TTBK2: variants seen among roughly 807,000 people sequenced by gnomAD.
TTBK2 encodes tau-tubulin kinase 2.
In TTBK2, 28 loss-of-function variants were observed where a neutral mutation model predicts 110.8. The ratio of observed to expected loss-of-function variants is 0.25; its 90% CI spans 0.19 to 0.35. The LOEUF is 0.35. Ranked by LOEUF, TTBK2 falls within the 10% of genes least tolerant of loss-of-function variation. The probability of loss-of-function intolerance (pLI) is 1.00; values close to 1 mark genes in which losing one functional copy is unlikely to be tolerated. For synonymous variants in TTBK2, 532 were observed against 527.3 expected (o/e 1.01, Z -0.12); for missense variants, 1,369 against 1,500.3 (o/e 0.91, Z 1.45).
At chr15:42,792,708 G>C (rs547988763) in intron 10 of TTBK2, among the ~76,000 whole-genome samples, 1 of 152,266 alleles carries the variant, frequency 6.6e-6, no homozygotes, top group East Asian at 1.9e-4. Flanking sequence ...TCTGGCAGGG[G>C]TAGGTGAGGC....
intron 1 of TTBK2, among the ~76,000 whole-genome samples, chr15:42,886,696 T>A (rs1384637012): frequency 1.3e-5 from 2 of 152,196 alleles, no homozygotes; most frequent in African/African-American, 4.8e-5. Flanking sequence ...GACTCTGCTG[T>A]GAGAGAAAAC....
At chr15:42,768,382 ATCT>A (rs1381887966) in intron 13 of TTBK2, among the ~76,000 whole-genome samples, 1 of 152,244 alleles carries the variant, frequency 6.6e-6, no homozygotes, top group Non-Finnish European at 1.5e-5. Context: ...TCAGCCCAAA[ATCT>A]TCTTAAGCTG....
chr15:42,848,958 T>C (rs1306549642), intron 3 of TTBK2, among the ~76,000 whole-genome samples: 1 of 152,214 alleles, frequency 6.6e-6, no homozygotes, highest in African/African-American at 2.4e-5. Context: ...CTAGGAAGTT[T>C]TTATGATTCT....
intron 12 of TTBK2, among the ~76,000 whole-genome samples, chr15:42,776,645 T>C (rs1889937722): frequency 6.6e-6 from 1 of 152,228 alleles, no homozygotes; most frequent in African/African-American, 2.4e-5. Flanking sequence ...CTCCTTTATG[T>C]ATTCCCCTCA....
chr15:42,806,296 A>T (rs1420076786), intron 9 of TTBK2, among the ~76,000 whole-genome samples: 1 of 152,194 alleles, frequency 6.6e-6, no homozygotes, highest in East Asian at 1.9e-4. Flanking sequence ...ACACTGATTT[A>T]AAAAAATTTA....
rs375618107 is a variant in TTBK2, at chr15:42,833,308, GAAGC to G, written c.292-3234_292-3231del. Among the ~76,000 whole-genome samples, 8 of 103,872 alleles carry G rather than the reference GAAGC, an allele frequency of 7.7e-5. 1 individual carries two copies. The South Asian group carries it at 2.1e-3, about 27-fold the overall frequency. The allele number at this position is 103,872 out of a possible 152,430, so 68.1% of individuals were successfully genotyped here. On this transcript the variant is annotated intron_variant, in intron 4 of 14. Transcript: ENST00000267890. The stretch of plus-strand genomic sequence containing the variant: ...ATATAGTAATGTGGAATGAATAAAA[GAAGC>G]AAGTTCATTTCTCTATAAATTTACA...
In TTBK2 at chr15:42,752,516, G is replaced by C. The variant is rs964464006; in HGVS notation, c.2730C>G (p.Thr910=). 6.2e-7 allele frequency: 1 copy of C among 1,614,106 alleles called. No individual in the cohort carries two copies. Among genetic ancestry groups the C allele is most frequent in the East Asian group, 2.2e-5 (1 of 44,878 alleles). The change falls in exon 14 of 15, where the codon ACC becomes ACG. Residue 910 remains threonine, a synonymous_variant. Transcript: ENST00000267890. Reference sequence around the variant, plus strand: ...AATGAAATAGTTCTCCATTTCTAGGGGTGATTTTCTCTCTCTTGCCCTCTT... The same window carrying C: ...AATGAAATAGTTCTCCATTTCTAGGCGTGATTTTCTCTCTCTTGCCCTCTT... ...LHQEGKREKI[T]PRNGELFHCV...
At chr15:42,851,087 A>T (rs1015846546) in intron 3 of TTBK2, among the ~76,000 whole-genome samples, 15 of 151,638 alleles carry the variant, frequency 9.9e-5, no homozygotes, top group Non-Finnish European at 2.1e-4. Context: ...AAAAAATAAA[A>T]AAATAAAAAA....
At chr15:42,829,910 C>T (rs1470108345) in intron 5 of TTBK2, 28 bp downstream of exon 5, 1 of 1,613,758 alleles carries the variant, frequency 6.2e-7, no homozygotes, top group Non-Finnish European at 8.5e-7. Context: ...CAAACTCATT[C>T]TGTGCTCTGG....
At chr15:42,825,241 T>C (rs1397006042) in intron 6 of TTBK2, among the ~76,000 whole-genome samples, 3 of 152,194 alleles carry the variant, frequency 2.0e-5, no homozygotes, top group Non-Finnish European at 4.4e-5. Flanking sequence ...AGGCCTGTCA[T>C]GGCAGCTATC....
At chr15:42,763,161 T>TATAC (rs1411738177) in intron 13 of TTBK2, among the ~76,000 whole-genome samples, 26 of 10,124 alleles carry the variant, frequency 2.6e-3, no homozygotes, top group Non-Finnish European at 3.1e-3. Flanking sequence ...TATATACATA[T>TATAC]ATATATATAT....
intron 6 of TTBK2, among the ~76,000 whole-genome samples, chr15:42,820,839 T>TA (rs879812625): frequency 1.4e-4 from 21 of 146,488 alleles, no homozygotes; most frequent in African/African-American, 3.5e-4. Flanking sequence ...CCCCCGTCTC[T>TA]AAAAAAAAAA....
At chr15:42,843,041 T>A (rs1170903510) in intron 3 of TTBK2, among the ~76,000 whole-genome samples, 8 of 152,234 alleles carry the variant, frequency 5.3e-5, no homozygotes, top group Non-Finnish European at 8.8e-5. Context: ...CCTTGTATTA[T>A]CCATCCCTTA....
intron 10 of TTBK2, among the ~76,000 whole-genome samples, chr15:42,789,520 G>C (rs1490068755): frequency 6.6e-6 from 1 of 152,048 alleles, no homozygotes; most frequent in East Asian, 1.9e-4. Flanking sequence ...GATCACCTGA[G>C]GTCAGGAGTT....
chr15:42,857,123 T>C (rs1038161098), intron 3 of TTBK2, among the ~76,000 whole-genome samples: 17 of 151,784 alleles, frequency 1.1e-4, no homozygotes, highest in Admixed American at 5.9e-4. Flanking sequence ...ATCACAAGAA[T>C]GCAAGATGTT....
intron 1 of TTBK2, among the ~76,000 whole-genome samples, chr15:42,915,615 G>T (rs2031037701): frequency 6.6e-6 from 1 of 152,152 alleles, no homozygotes; most frequent in Non-Finnish European, 1.5e-5. Context: ...GTAGTTTAAA[G>T]TTTCACAGAG....
intron 4 of TTBK2, among the ~76,000 whole-genome samples, chr15:42,834,103 G>T (rs58756153): frequency 0.047 from 6,961 of 146,808 alleles, 419 homozygotes; most frequent in East Asian, 0.14. Context: ...GTGGTAAGAG[G>T]ATCACTTGAC....
At chr15:42,755,988 G>A (rs2140624533) in intron 13 of TTBK2, among the ~76,000 whole-genome samples, 1 of 152,282 alleles carries the variant, frequency 6.6e-6, no homozygotes, top group Non-Finnish European at 1.5e-5. Context: ...CTGAGGTCAG[G>A]AGTTTGAGAC....
intron 13 of TTBK2, among the ~76,000 whole-genome samples, chr15:42,757,321 G>T (rs752897693): frequency 7.2e-5 from 11 of 151,800 alleles, no homozygotes; most frequent in Non-Finnish European, 1.6e-4. Flanking sequence ...ATGTTGCCCA[G>T]GCTGGTCTTG....
Sources: gnomAD v4.1 joint callset for allele counts (sites outside exome capture counted in the v4.1 genomes callset) on GRCh38, gnomAD v4.1.1 for gene constraint, MANE v1.5 for transcripts, NCBI Gene and HGNC (gene_info 2026-07-23, HGNC 2026-07-21) for gene names.